SASH1: variants seen among roughly 807,000 people sequenced by gnomAD.
SASH1 encodes SAM and SH3 domain containing 1, also known as SAM and SH3 domain-containing protein 1.
SASH1 carries 44 observed loss-of-function variants against 125.2 expected under a neutral mutation model. That is an observed-to-expected ratio of 0.35 (90% CI 0.28 to 0.45). The LOEUF is 0.45. Ranked by LOEUF, SASH1 falls within the 20% of genes least tolerant of loss-of-function variation. SASH1 has a pLI of 1.00. For missense variants in SASH1, 1,426 were observed against 1,614.5 expected (o/e 0.88, Z 2.00); for synonymous variants, 639 against 649.1 (o/e 0.98, Z 0.24).
chr6:148,437,181 A>G (rs1468857179), intron 2 of SASH1, among the ~76,000 whole-genome samples: 3 of 152,186 alleles, frequency 2.0e-5, no homozygotes, highest in Non-Finnish European at 2.9e-5. Flanking sequence ...TGTTATAATA[A>G]CGGAATTTTG....
At chr6:148,419,115 A>G (rs4645444) in intron 2 of SASH1, among the ~76,000 whole-genome samples, 2,838 of 152,210 alleles carry the variant, frequency 0.019, 86 homozygotes, top group African/African-American at 0.065. Flanking sequence ...TCCAAAGATC[A>G]TTTTCTGTTT....
chr6:148,519,371 A>C lies in SASH1; in HGVS notation c.863-176A>C, dbSNP rs554164937. 6.6e-6 allele frequency among the ~76,000 whole-genome samples: 1 copy of C among 152,382 alleles called. No individual in the cohort carries two copies. Among genetic ancestry groups the C allele is most frequent in the East Asian group, 1.9e-4 (1 of 5,188 alleles). On this transcript the variant is annotated intron_variant, in intron 9 of 19. Coordinates refer to ENST00000367467, the MANE Select transcript of SASH1 (RefSeq NM_015278.5). The surrounding 1 kb of genome is among the most constrained non-coding windows in gnomAD (Gnocchi z 4.8). ...AACACATCTGAATCCTTTTAACATT[A>C]AGCTCATGTGAAACCATGTATTTGC...
chr6:148,222,171 G>T, the SASH1 span, among the ~76,000 whole-genome samples: 1 of 152,102 alleles, frequency 6.6e-6, no homozygotes, highest in Non-Finnish European at 1.5e-5. Context: ...GTATTCCCAT[G>T]CAATGGAGCC....
At chr6:148,434,100 G>T (rs1370234972) in intron 2 of SASH1, among the ~76,000 whole-genome samples, 2 of 104,428 alleles carry the variant, frequency 1.9e-5, no homozygotes, top group Admixed American at 1.3e-4. Context: ...TTTTTGAGAC[G>T]GAGGCTTGCA....
At chr6:148,521,560 A>G (rs769287951) in intron 10 of SASH1, among the ~76,000 whole-genome samples, 20 of 152,248 alleles carry the variant, frequency 1.3e-4, no homozygotes, top group Non-Finnish European at 2.2e-4. Context: ...CTGTCCTTTC[A>G]TATTCATGTA....
rs201229244 is a variant in SASH1 at position 148,540,475 on chromosome 6, C to T, written c.2128C>T (p.Leu710=). The T allele has an allele frequency of 1.2e-6, 2 of 1,614,064 alleles. No homozygotes were observed. Among genetic ancestry groups the T allele is most frequent in the East Asian group, 4.5e-5 (2 of 44,874 alleles). ...NSDQSGSQEK[L]LVDSQGLSGC... ...CGACCAGTCAGGATCCCAGGAGAAG[C>T]TGCTCGTTGACAGCCAGGGCCTGAG... The change falls in exon 17 of 20, where the codon CTG becomes TTG. Residue 710 remains leucine, a synonymous_variant. Coordinates refer to ENST00000367467, the MANE Select transcript of SASH1 (RefSeq NM_015278.5).
intron 4 of SASH1, among the ~76,000 whole-genome samples, chr6:148,450,627 T>C (rs943266662): frequency 6.6e-6 from 1 of 152,118 alleles, no homozygotes; most frequent in Non-Finnish European, 1.5e-5. Context: ...AACATCATCA[T>C]AACGTGGCTT....
chr6:148,479,897 A>C (rs1778537673), intron 7 of SASH1: 1 of 153,300 alleles, frequency 6.5e-6, no homozygotes, highest in African/African-American at 2.4e-5. Flanking sequence ...TGAGGAAGTC[A>C]CAGGGCTGCT....
At chr6:148,250,881 A>G in the SASH1 span, among the ~76,000 whole-genome samples, 61 of 152,328 alleles carry the variant, frequency 4.0e-4, no homozygotes, top group Middle Eastern at 6.8e-3. Context: ...AGAAAAGCTC[A>G]TTACCAAATC....
chr6:148,404,469 A>C lies in SASH1; in HGVS notation c.285+14207A>C, dbSNP rs6917649. 1.8e-3 allele frequency among the ~76,000 whole-genome samples: 278 copies of C among 152,236 alleles called. 3 individuals carry two copies. The highest frequency in any genetic ancestry group is 6.3e-3 in the African/African-American group (263 of 41,524). On this transcript the variant is annotated intron_variant, in intron 2 of 19. Transcript: ENST00000367467. ...AAACGTCCAGGATCCACTGAGGATA[A>C]ACTACATAAAAACCGGTACAATAGA...
intron 7 of SASH1, among the ~76,000 whole-genome samples, chr6:148,486,989 A>G (rs1486033068): frequency 1.2e-5 from 1 of 80,604 alleles, no homozygotes; most frequent in South Asian, 4.0e-4. Flanking sequence ...ATATATATAT[A>G]TATATGTATT....
the SASH1 span, among the ~76,000 whole-genome samples, chr6:148,199,625 G>A: frequency 1.6e-3 from 239 of 151,294 alleles, no homozygotes; most frequent in African/African-American, 5.6e-3. Context: ...TTCAGTCCGG[G>A]AGTTAGAGCT....
At position 148,471,478 on chromosome 6, in the gene SASH1, A is replaced by T; in HGVS notation, c.489A>T (p.Lys163Asn). 1 of 1,600,516 alleles carries T rather than the reference A, an allele frequency of 6.2e-7. No homozygotes were observed. The part of the protein sequence containing the change: ...YFWQNFRKNQ[K>N]GIMRQTSKGE... Reference sequence around the variant, plus strand: ...GGCAGAACTTCCGAAAGAACCAGAAAGGAATAATGAGACAGACTTCAAAAG... The same window carrying T: ...GGCAGAACTTCCGAAAGAACCAGAATGGAATAATGAGACAGACTTCAAAAG... Residue 163 changes from lysine to asparagine, a missense_variant, in exon 6 of 20, where the codon AAA (lysine) becomes AAT (asparagine). Lys to Asn is a moderately conservative substitution (Grantham distance 94). Coordinates refer to ENST00000367467, the MANE Select transcript of SASH1 (RefSeq NM_015278.5).
intron 2 of SASH1, among the ~76,000 whole-genome samples, chr6:148,401,451 T>TC (rs1054874951): frequency 5.9e-5 from 9 of 152,216 alleles, no homozygotes; most frequent in Middle Eastern, 6.8e-3. Flanking sequence ...TGCTTTTTTT[T>TC]CTCCCTTGAC....
chr6:148,349,660 A>G (rs1192382659), intron 1 of SASH1, among the ~76,000 whole-genome samples: 2 of 152,020 alleles, frequency 1.3e-5, no homozygotes, highest in African/African-American at 2.4e-5. Context: ...GAGAGCCCCA[A>G]CCAGATGTTT....
At chr6:148,434,324 C>G (rs905708697) in intron 2 of SASH1, among the ~76,000 whole-genome samples, 1 of 152,132 alleles carries the variant, frequency 6.6e-6, no homozygotes, top group Non-Finnish European at 1.5e-5. Context: ...ATCTGCCTGC[C>G]TCAGCCTCCC....
the SASH1 span, among the ~76,000 whole-genome samples, chr6:148,227,080 C>G: frequency 6.6e-6 from 1 of 152,180 alleles, no homozygotes; most frequent in Non-Finnish European, 1.5e-5. Flanking sequence ...CTAAGTATAG[C>G]TCTACGAAGT....
intron 1 of SASH1, among the ~76,000 whole-genome samples, chr6:148,281,249 C>T (rs367635873): frequency 1.7e-4 from 26 of 151,920 alleles, no homozygotes; most frequent in African/African-American, 5.6e-4. Flanking sequence ...TGAGCCACCG[C>T]GCCTGGCTGG....
chr6:148,474,059 G>C, intron 6 of SASH1, 51 bp from the exon 7 acceptor site: 1 of 1,171,760 alleles, frequency 8.5e-7, no homozygotes, highest in Non-Finnish European at 1.3e-6. Context: ...TTGACGTTCT[G>C]TTTCGCCATT....
Sources: gnomAD v4.1 joint callset for allele counts (sites outside exome capture counted in the v4.1 genomes callset) on GRCh38, gnomAD v4.1.1 for gene constraint, Gnocchi (gnomAD v3.1) non-coding constraint, MANE v1.5 for transcripts, NCBI Gene and HGNC (gene_info 2026-07-23, HGNC 2026-07-21) for gene names.